NEXN: variants seen among roughly 807,000 people sequenced by gnomAD.
NEXN encodes the protein nexilin F-actin binding protein, also known as nexilin.
A neutral mutation model predicts 92.6 loss-of-function variants in NEXN; 65 were observed. That is an observed-to-expected ratio of 0.70 (90% CI 0.57 to 0.86). The LOEUF (loss-of-function observed/expected upper bound fraction) is 0.86, where lower values mean the gene tolerates loss of function less well. Ranked by LOEUF, NEXN falls within the 40% of genes least tolerant of loss-of-function variation. The probability of loss-of-function intolerance (pLI) is 0.00; values close to 1 mark genes in which losing one functional copy is unlikely to be tolerated. For synonymous variants in NEXN, 254 were observed against 242.5 expected, an observed-to-expected ratio of 1.05 and a Z score of -0.44; for missense variants, 778 against 771.1, an observed-to-expected ratio of 1.01 and a Z score of -0.11.
At position 77,929,476 on chromosome 1, in the gene NEXN, A is replaced by C. The variant is rs1383203566; in HGVS notation, c.1025A>C (p.Lys342Thr). Residue 342 changes from lysine to threonine, a missense_variant, in exon 9 of 13, where the codon AAG (lysine) becomes ACG (threonine). Around this residue, in one of 3 missense-constraint regions of NEXN, gnomAD observed 532 missense variants for 476.7 expected, o/e 1.12. Transcript: ENST00000334785. ...AGAAGGAGAATAGAGGAAGAAAAGA[A>C]GGCGTTTGCTGAAGCAAGGAGAAAT... ...EARRRIEEEK[K>T]AFAEARRNMV... The C allele has an allele frequency of 1.9e-6, 3 of 1,613,068 alleles. No homozygotes were observed. The highest frequency in any genetic ancestry group is 2.5e-6 in the Non-Finnish European group (3 of 1,179,852).
intron 11 of NEXN, among the ~76,000 whole-genome samples, chr1:77,936,477 C>T (rs1243570445): frequency 1.3e-5 from 2 of 152,170 alleles, no homozygotes; most frequent in Admixed American, 6.5e-5. Flanking sequence ...TTAGTTGAGT[C>T]AGTAGAACCA....
At chr1:77,906,676 A>G (rs1272052736) in intron 1 of NEXN, among the ~76,000 whole-genome samples, 2 of 152,084 alleles carry the variant, frequency 1.3e-5, no homozygotes, top group African/African-American at 4.8e-5. Flanking sequence ...CTGTTTTGAG[A>G]CAGGGTCTTG....
Position 77,942,577 on chromosome 1 carries a change from A to C in NEXN, c.1776A>C (p.Ser592=). 6.2e-7 allele frequency: 1 copy of C among 1,613,904 alleles called. No homozygotes were observed. Among genetic ancestry groups the C allele is most frequent in the Non-Finnish European group, 8.5e-7 (1 of 1,179,820 alleles). The change falls in exon 13 of 13, where the codon TCA becomes TCC. Residue 592 remains serine, a synonymous_variant. Coordinates refer to ENST00000334785, the MANE Select transcript of NEXN (RefSeq NM_144573.4). ...TCAAGAAGCCTCTTAAAAACACATC[A>C]GTTGTAGACAGTGAGCCAGTCAGAT... ...PWFKKPLKNT[S]VVDSEPVRFT...
intron 1 of NEXN, among the ~76,000 whole-genome samples, chr1:77,907,167 T>G (rs1244025483): frequency 6.6e-6 from 1 of 152,206 alleles, no homozygotes; most frequent in Non-Finnish European, 1.5e-5. Flanking sequence ...ATAATACAGT[T>G]AATGACTAGG....
intron 1 of NEXN, among the ~76,000 whole-genome samples, chr1:77,895,202 G>C (rs574271662): frequency 9.9e-5 from 15 of 151,566 alleles, no homozygotes; most frequent in Admixed American, 3.3e-4. Context: ...CCGCCACCAT[G>C]ATTGGCTAAT....
intron 10 of NEXN, 143 bp downstream of exon 10, chr1:77,933,622 CT>C: frequency 1.5e-6 from 1 of 673,736 alleles, no homozygotes; most frequent in South Asian, 1.9e-5. Context: ...GTACAGGCGT[CT>C]GCACAATTAT....
Position 77,943,244 on chromosome 1 carries a change from AAAAC to A in NEXN, c.*417_*420del. Reference sequence around the variant, plus strand: ...ATGTTTAAAAAACAAAAACAAAAAAAAAACACACAAACCTAAGTAGAATACATTA... The same window carrying A: ...ATGTTTAAAAAACAAAAACAAAAAAAACACAAACCTAAGTAGAATACATTA... On this transcript the variant is annotated 3_prime_UTR_variant, in exon 13 of 13. Coordinates refer to ENST00000334785, the MANE Select transcript of NEXN (RefSeq NM_144573.4). 1 of 228,254 alleles carries A rather than the reference AAAAC, an allele frequency of 4.4e-6. No individual in the cohort carries two copies. Among genetic ancestry groups the A allele is most frequent in the South Asian group, 5.7e-5 (1 of 17,450 alleles). The allele number at this position is 228,254 out of a possible 1,614,324, so 14.1% of individuals were successfully genotyped here.
At chr1:77,932,696 C>A (rs1473369432) in intron 9 of NEXN, among the ~76,000 whole-genome samples, 3 of 137,724 alleles carry the variant, frequency 2.2e-5, no homozygotes, top group African/African-American at 9.8e-5. Flanking sequence ...TAAATTATTT[C>A]TTTGTCTTCA....
chr1:77,915,052 G>A (rs939058074), intron 1 of NEXN, among the ~76,000 whole-genome samples: 20 of 152,062 alleles, frequency 1.3e-4, no homozygotes, highest in African/African-American at 4.8e-5. Flanking sequence ...AGTGGCTCAC[G>A]GATGCAATCC....
rs41312654 is a variant in NEXN at position 77,933,527 on chromosome 1, T to C, written c.1251+48T>C. On this transcript the variant is annotated intron_variant, in intron 10 of 12. Coordinates refer to ENST00000334785, the MANE Select transcript of NEXN (RefSeq NM_144573.4). ...TATTCCCCATATTTATTAAGCTAAATATTTTACTTATATCACCTTATAATA... is the reference window on the plus strand; with the variant it reads ...TATTCCCCATATTTATTAAGCTAAACATTTTACTTATATCACCTTATAATA... 65,381 of 1,265,904 alleles carry C rather than the reference T, an allele frequency of 0.052. 3,107 individuals carry two copies. The highest frequency in any genetic ancestry group is 0.23 in the African/African-American group (15,760 of 67,928). The allele number at this position is 1,265,904 out of a possible 1,614,324, so 78.4% of individuals were successfully genotyped here.
chr1:77,928,639 T>C (rs1053814985), intron 8 of NEXN, among the ~76,000 whole-genome samples: 6 of 152,016 alleles, frequency 3.9e-5, no homozygotes, highest in African/African-American at 1.4e-4. Flanking sequence ...TAATAATCTT[T>C]TATCTGATTA....
In NEXN at chr1:77,918,175, C is replaced by CTT. The variant is rs2102094395; in HGVS notation, c.349_350insTT (p.Gln117LeufsTer19). The CTT allele has an allele frequency of 6.2e-7, 1 of 1,613,444 alleles. No homozygotes were observed. Among genetic ancestry groups the CTT allele is most frequent in the South Asian group, 1.1e-5 (1 of 91,060 alleles). ...AATGGAGAAACAAAGACAAGAGGAA[C>CTT]AAAGGAAGAGAACGGAGGAGGAACG... On this transcript the variant is annotated frameshift_variant, in exon 5 of 13. Transcript: ENST00000334785. LOFTEE classifies it high-confidence loss of function.
chr1:77,914,131 T>G (rs1370600053), intron 1 of NEXN, among the ~76,000 whole-genome samples: 1 of 152,188 alleles, frequency 6.6e-6, no homozygotes, highest in Non-Finnish European at 1.5e-5. Context: ...TCAGTGAAAC[T>G]GCTCTGTGCA....
At chr1:77,929,077 A>G (rs906808628) in intron 8 of NEXN, among the ~76,000 whole-genome samples, 2 of 152,240 alleles carry the variant, frequency 1.3e-5, no homozygotes, top group Non-Finnish European at 2.9e-5. Flanking sequence ...AATTTTATCT[A>G]TAGAAATTTG....
intron 9 of NEXN, 23 bp from the exon 10 acceptor site, chr1:77,933,259 G>C: frequency 7.2e-7 from 1 of 1,389,584 alleles, no homozygotes; most frequent in South Asian, 1.2e-5. Context: ...TGGCCAGAGT[G>C]ATAAAATAAT....
intron 1 of NEXN, among the ~76,000 whole-genome samples, chr1:77,911,455 A>C (rs1255893724): frequency 4.3e-4 from 66 of 151,826 alleles, no homozygotes; most frequent in Admixed American, 4.3e-3. Flanking sequence ...AGCCAGGCAT[A>C]GTGGCGGACA....
At chr1:77,901,342 CTAAT>C (rs1045913410) in intron 1 of NEXN, among the ~76,000 whole-genome samples, 1 of 152,122 alleles carries the variant, frequency 6.6e-6, no homozygotes, top group Admixed American at 6.6e-5. Flanking sequence ...CCTCTTCTTA[CTAAT>C]TATTTTTATG....
chr1:77,923,325 C>T (rs530925030), intron 5 of NEXN, among the ~76,000 whole-genome samples: 1 of 152,012 alleles, frequency 6.6e-6, no homozygotes, highest in Non-Finnish European at 1.5e-5. Flanking sequence ...TTATTTCTTT[C>T]TTGAGAGAAA....
chr1:77,939,305 C>T (rs1375025634), intron 11 of NEXN, among the ~76,000 whole-genome samples: 1 of 152,112 alleles, frequency 6.6e-6, no homozygotes, highest in Non-Finnish European at 1.5e-5. Context: ...AAGGTAAAGG[C>T]AGTCTAACAA....
Sources: allele counts gnomAD v4.1 joint callset (sites outside exome capture counted in the v4.1 genomes callset), GRCh38; gene constraint gnomAD v4.1.1; regional missense constraint gnomAD v4.1.1; transcripts MANE v1.5; gene names NCBI Gene and HGNC (gene_info 2026-07-23, HGNC 2026-07-21).